NRXN2: variants seen among roughly 807,000 people sequenced by gnomAD.
NRXN2 encodes the protein neurexin 2, also known as neurexin-2-beta.
In NRXN2, 29 loss-of-function variants were observed where a neutral mutation model predicts 128.8. The observed-to-expected ratio is 0.23, with a 90% CI of 0.17 to 0.31. NRXN2 has a LOEUF of 0.31. Among genes scored for constraint, NRXN2 ranks in the 10% least tolerant of loss-of-function variants. The pLI is 1.00. For missense variants in NRXN2, 1,881 were observed against 2,452.6 expected (o/e 0.77, Z 4.92); for synonymous variants, 1,098 against 1,075.2 (o/e 1.02, Z -0.41).
intron 17 of NRXN2, among the ~76,000 whole-genome samples, chr11:64,647,662 G>A (rs982048611): frequency 4.6e-5 from 7 of 152,226 alleles, no homozygotes; most frequent in Admixed American, 1.3e-4. Flanking sequence ...GAAGAAAGAG[G>A]AGCCCATTCC....
chr11:64,641,224 A>T (rs2045613265), intron 17 of NRXN2, among the ~76,000 whole-genome samples: 2 of 152,060 alleles, frequency 1.3e-5, no homozygotes, highest in South Asian at 4.2e-4. Context: ...TTGAGAGCAC[A>T]GGGATGGGAT....
chr11:64,653,278 G>A (rs2047740805), intron 12 of NRXN2, among the ~76,000 whole-genome samples: 2 of 151,992 alleles, frequency 1.3e-5, no homozygotes, highest in South Asian at 4.2e-4. Flanking sequence ...CTTCCCCCTT[G>A]TGGCCAATTC....
intron 17 of NRXN2, among the ~76,000 whole-genome samples, chr11:64,642,231 G>C (rs540268865): frequency 7.2e-5 from 11 of 152,194 alleles, no homozygotes; most frequent in Non-Finnish European, 1.0e-4. Context: ...CAGACAGGGC[G>C]GGGAGGGTAA....
rs1315555171 is a variant in NRXN2 at position 64,607,815 on chromosome 11, G to A, written c.4520C>T (p.Pro1507Leu). 5 of 1,601,972 alleles carry A rather than the reference G, an allele frequency of 3.1e-6. No individual in the cohort carries two copies. The highest frequency in any genetic ancestry group is 2.3e-5 in the East Asian group (1 of 44,142). The part of the protein sequence containing the change: ...SGEVFDSSLP[P>L]TDDEDFYTTF... ...GGTGTAAAAGTCCTCGTCGTCCGTGGGGGGGAGGCTGGAGTCAAAGACCTC... is the reference window on the plus strand; with the variant it reads ...GGTGTAAAAGTCCTCGTCGTCCGTGAGGGGGAGGCTGGAGTCAAAGACCTC... Residue 1507 changes from proline (P) to leucine (L), a missense_variant, in exon 23 of 23, where the codon CCC becomes CTC. Coordinates refer to ENST00000265459, the MANE Select transcript of NRXN2 (RefSeq NM_015080.4).
intron 2 of NRXN2, among the ~76,000 whole-genome samples, chr11:64,704,623 C>CACAGAGGGAG (rs1336665936): frequency 7.1e-4 from 58 of 81,206 alleles, no homozygotes; most frequent in African/African-American, 2.6e-3. Flanking sequence ...CACACACACA[C>CACAGAGGGAG]AGAGAGAGAG....
chr11:64,698,460 C>T (rs1206253254), intron 2 of NRXN2, among the ~76,000 whole-genome samples: 1 of 152,212 alleles, frequency 6.6e-6, no homozygotes, highest in Non-Finnish European at 1.5e-5. Flanking sequence ...TTCACTTAAC[C>T]TCTCTGAGTC....
Position 64,667,450 on chromosome 11 carries a change from C to G in NRXN2, c.1598G>C (p.Ser533Thr). ...TTEPNGLLLF[S>T]QGRRAGGGAG... ...TCCACCCCCAGCCCGCCGGCCCTGG[C>G]TGAAGAGCAGCAGCCCATTGGGCTC... The change falls in exon 9 of 23, where the codon AGC becomes ACC. Residue 533 changes from serine (S) to threonine (T), a missense_variant. By Grantham distance (58) the Ser-to-Thr change is moderately conservative (BLOSUM62 1). This residue lies in a region of NRXN2 where 997 missense variants were observed against 1,240.8 expected (regional missense o/e 0.80). Coordinates refer to ENST00000265459, the MANE Select transcript of NRXN2 (RefSeq NM_015080.4). This position sits in a 1 kb window ranked among gnomAD's most constrained non-coding sequence, Gnocchi z 5.6. 1 of 1,614,168 alleles carries G rather than the reference C, an allele frequency of 6.2e-7. No homozygotes were observed. The highest frequency in any genetic ancestry group is 8.5e-7 in the Non-Finnish European group (1 of 1,180,030).
intron 17 of NRXN2, among the ~76,000 whole-genome samples, chr11:64,644,003 C>T (rs985118087): frequency 4.6e-5 from 7 of 151,862 alleles, no homozygotes; most frequent in Admixed American, 4.6e-4. Flanking sequence ...GGTATGGAAA[C>T]ATCCACGTGC....
Position 64,713,140 on chromosome 11 carries a change from C to T in NRXN2, c.560G>A (p.Arg187Gln). 5 of 1,438,110 alleles carry T rather than the reference C, an allele frequency of 3.5e-6. No individual in the cohort carries two copies. The highest frequency in any genetic ancestry group is 4.6e-6 in the Non-Finnish European group (5 of 1,095,784). The allele number at this position is 1,438,110 out of a possible 1,614,324, so 89.1% of individuals were successfully genotyped here. Reference protein sequence around the residue: ...GLLANLKLGERPPALLGSQGL... With the variant: ...GLLANLKLGEQPPALLGSQGL... Reference sequence around the variant, plus strand: ...CTGGCTGCCCAGCAGCGCGGGGGGCCGCTCGCCCAGCTTCAGGTTGGCCAA... The same window carrying T: ...CTGGCTGCCCAGCAGCGCGGGGGGCTGCTCGCCCAGCTTCAGGTTGGCCAA... Residue 187 changes from arginine (R) to glutamine (Q), a missense_variant, in exon 2 of 23, where the codon CGG becomes CAG. Physicochemically the swap from Arg to Gln is conservative, Grantham distance 43. Around this residue, in one of 7 missense-constraint regions of NRXN2, gnomAD observed 997 missense variants for 1,240.8 expected, o/e 0.80. Transcript: ENST00000265459.
In NRXN2 at chr11:64,652,129, C is replaced by G; in HGVS notation, c.2442G>C (p.Ala814=). 6.2e-7 allele frequency: 1 copy of G among 1,613,102 alleles called. No individual in the cohort carries two copies. The highest frequency in any genetic ancestry group is 1.1e-5 in the South Asian group (1 of 91,080). ...APSKGPETLF[A]GHKLNDNEWH... ...ACTCATTGTCATTGAGCTTGTGCCC[C>G]GCAAACAGCGTTTCGGGGCCTTTAC... Residue 814 remains alanine, a synonymous_variant, in exon 13 of 23, where the codon GCG becomes GCC. Coordinates refer to ENST00000265459, the MANE Select transcript of NRXN2 (RefSeq NM_015080.4).
intron 7 of NRXN2, among the ~76,000 whole-genome samples, chr11:64,674,417 C>A (rs1254723795): frequency 6.6e-6 from 1 of 152,124 alleles, no homozygotes. Flanking sequence ...GCCTTGAACT[C>A]CTGGACTCAG....
In NRXN2 at chr11:64,606,936, T is replaced by G. The variant is rs2039720978; in HGVS notation, c.*260A>C. ...TTAAAAAAATAAATCAACCCAGGGCTGTGAGCACGTGCCCTGCCTGGCAGG... is the reference window on the plus strand; with the variant it reads ...TTAAAAAAATAAATCAACCCAGGGCGGTGAGCACGTGCCCTGCCTGGCAGG... On this transcript the variant is annotated 3_prime_UTR_variant, in exon 23 of 23. Transcript: ENST00000265459. 1.9e-6 allele frequency: 1 copy of G among 530,882 alleles called. No individual in the cohort carries two copies. The highest frequency in any genetic ancestry group is 3.4e-6 in the Non-Finnish European group (1 of 296,024). 32.9% of individuals were successfully genotyped at this position (530,882 alleles called of 1,614,324 possible).
intron 1 of NRXN2, among the ~76,000 whole-genome samples, chr11:64,722,558 C>T (rs955251519): frequency 2.6e-5 from 4 of 151,896 alleles, no homozygotes; most frequent in African/African-American, 9.7e-5. Flanking sequence ...TCTCCTCCCA[C>T]GAAGCCCAGT....
intron 15 of NRXN2, 106 bp downstream of exon 15, chr11:64,650,342 G>A (rs2047287845): frequency 1.7e-6 from 2 of 1,143,456 alleles, no homozygotes; most frequent in Non-Finnish European, 2.6e-6. Flanking sequence ...GGTGGAAACT[G>A]GGGGCAGGGA....
chr11:64,715,012 G>T (rs2057253882), intron 1 of NRXN2, among the ~76,000 whole-genome samples: 1 of 152,088 alleles, frequency 6.6e-6, no homozygotes, highest in South Asian at 2.1e-4. Flanking sequence ...AGGGGCTAGA[G>T]TTTAGGAAGA....
intron 2 of NRXN2, among the ~76,000 whole-genome samples, chr11:64,701,566 C>T (rs1013711159): frequency 3.9e-5 from 6 of 152,142 alleles, no homozygotes; most frequent in Admixed American, 3.9e-4. Context: ...TAGGGAGACC[C>T]GTCTCTACAA....
At chr11:64,649,399 TCTC>T (rs2047154146) in intron 15 of NRXN2, among the ~76,000 whole-genome samples, 1 of 151,992 alleles carries the variant, frequency 6.6e-6, no homozygotes, top group African/African-American at 2.4e-5. Flanking sequence ...TCTGGGAAGT[TCTC>T]CTCCGCAACA....
Position 64,660,399 on chromosome 11 carries a change from G to C in NRXN2, c.2322C>G (p.Ser774=). Residue 774 remains serine (S), a synonymous_variant, in exon 11 of 23, where the codon TCC becomes TCG. Coordinates refer to ENST00000265459, the MANE Select transcript of NRXN2 (RefSeq NM_015080.4). This position sits in a 1 kb window ranked among gnomAD's most constrained non-coding sequence, Gnocchi z 5.2. ...RAYGLMMATT[S]RESADTLRLE... is the part of the protein sequence containing the mutation. ...GGCGTAGGGTGTCGGCAGACTCCCT[G>C]GAAGTGGTGGCCATCATGAGTCCGT... 6.2e-7 allele frequency: 1 copy of C among 1,614,214 alleles called. No individual in the cohort carries two copies. Among genetic ancestry groups the C allele is most frequent in the East Asian group, 2.2e-5 (1 of 44,876 alleles).
intron 17 of NRXN2, among the ~76,000 whole-genome samples, chr11:64,637,682 C>T (rs779289648): frequency 6.6e-6 from 1 of 152,122 alleles, no homozygotes; most frequent in Non-Finnish European, 1.5e-5. Flanking sequence ...GCTCCAGGGC[C>T]TCCCATTCAG....
Sources: allele counts gnomAD v4.1 joint callset (sites outside exome capture counted in the v4.1 genomes callset), GRCh38; gene constraint gnomAD v4.1.1; regional missense constraint gnomAD v4.1.1; non-coding constraint Gnocchi (gnomAD v3.1); transcripts MANE v1.5; gene names NCBI Gene and HGNC (gene_info 2026-07-23, HGNC 2026-07-21).